The following NRXN1 variants were observed in gnomAD, a reference collection of about 807,000 sequenced individuals.
NRXN1 encodes neurexin-1.
Under a neutral mutation model 150.9 loss-of-function variants are expected in NRXN1, and 39 were observed. The observed-to-expected ratio is 0.26, with a 90% confidence interval of 0.20 to 0.34. The LOEUF is 0.34. NRXN1 is among the 10% of genes least tolerant of loss of function. The pLI, the probability that NRXN1 is intolerant of heterozygous loss-of-function variation, is 1.00. For missense variants in NRXN1, 1,815 were observed against 1,949.9 expected, an observed-to-expected ratio of 0.93 and a Z score of 1.30; for synonymous variants, 924 against 757.0, an observed-to-expected ratio of 1.22 and a Z score of -3.62.
intron 5 of NRXN1, among the ~76,000 whole-genome samples, chr2:50,670,195 T>G (rs962741059): frequency 1.3e-5 from 2 of 151,892 alleles, no homozygotes; most frequent in Non-Finnish European, 2.9e-5. Flanking sequence ...TCCTAAAGAT[T>G]AGTTCAAGGT....
At chr2:50,219,519 C>T (rs2063648904) in intron 18 of NRXN1, among the ~76,000 whole-genome samples, 1 of 151,782 alleles carries the variant, frequency 6.6e-6, no homozygotes, top group East Asian at 1.9e-4. Context: ...TATTGAGGTA[C>T]TTACATTTTT....
chr2:50,263,470 G>A (rs1712896), intron 17 of NRXN1, among the ~76,000 whole-genome samples: 62,229 of 151,698 alleles, frequency 0.41, 12,986 homozygotes, highest in Middle Eastern at 0.46. Context: ...GTAGCTATTA[G>A]GTCTTCAAAC....
intron 17 of NRXN1, among the ~76,000 whole-genome samples, chr2:50,361,475 C>T (rs186780155): frequency 9.4e-4 from 143 of 152,252 alleles, no homozygotes; most frequent in Non-Finnish European, 1.8e-3. Flanking sequence ...TCAAAGAACA[C>T]TATAAACACC....
chr2:51,031,742 G>A (rs1671587968), intron 1 of NRXN1, among the ~76,000 whole-genome samples: 1 of 151,882 alleles, frequency 6.6e-6, no homozygotes, highest in Admixed American at 6.6e-5. Context: ...TCTTTCTTTT[G>A]CTAATACATC....
Position 50,742,223 on chromosome 2 carries a change from A to G in NRXN1, c.833-118608T>C, listed in dbSNP as rs1257104549. Among the ~76,000 whole-genome samples the G allele has an allele frequency of 2.0e-5, 3 of 152,124 alleles. No homozygotes were observed. The East Asian group carries it at 5.8e-4, about 29-fold the overall frequency. On this transcript the variant is annotated intron_variant, in intron 5 of 22. Coordinates refer to ENST00000401669, the MANE Select transcript of NRXN1 (RefSeq NM_001330078.2). ...TCAAAGAGAAAGAAATTTAACTTTGAGAATTGCAATATTTACATATATATA... is the reference window on the plus strand; with the variant it reads ...TCAAAGAGAAAGAAATTTAACTTTGGGAATTGCAATATTTACATATATATA...
Position 51,027,710 on chromosome 2 carries a change from C to A in NRXN1, c.564G>T (p.Arg188Ser). The change falls in exon 2 of 23, where the codon AGG becomes AGT. Residue 188 changes from arginine to serine, a missense_variant. Arg to Ser is a moderately radical substitution (Grantham distance 110, BLOSUM62 -1). Coordinates refer to ENST00000401669, the MANE Select transcript of NRXN1 (RefSeq NM_001330078.2). ...CGGGCAGGACCTGCGAGGAGTTGAC[C>A]CTCACGTCACGAATCCACCCCTTGA... ...EPFKGWIRDVRVNSSQVLPVD... is the reference protein window; with the variant it reads ...EPFKGWIRDVSVNSSQVLPVD... The A allele has an allele frequency of 6.2e-7, 1 of 1,608,650 alleles. No individual in the cohort carries two copies. Among genetic ancestry groups the A allele is most frequent in the South Asian group, 1.1e-5 (1 of 90,246 alleles).
At chr2:50,708,402 TTTC>T (rs1352506143) in intron 5 of NRXN1, among the ~76,000 whole-genome samples, 2 of 152,206 alleles carry the variant, frequency 1.3e-5, no homozygotes, top group Admixed American at 6.5e-5. Context: ...AAGCTTGGCA[TTTC>T]TTCTTATTGG....
chr2:50,131,823 A>T (rs997962981), intron 18 of NRXN1, among the ~76,000 whole-genome samples: 18 of 152,198 alleles, frequency 1.2e-4, no homozygotes, highest in African/African-American at 4.1e-4. Context: ...AAACAGAGGG[A>T]CAAACAAAGG....
At chr2:50,005,367 T>C (rs1486822899) in intron 21 of NRXN1, among the ~76,000 whole-genome samples, 1 of 152,156 alleles carries the variant, frequency 6.6e-6, no homozygotes, top group Non-Finnish European at 1.5e-5. Context: ...TTGATTCTTA[T>C]TACTTGAGAG....
At chr2:50,496,291 G>A (rs2091616069) in intron 14 of NRXN1, among the ~76,000 whole-genome samples, 196 bp from the exon 15 acceptor site, 1 of 152,130 alleles carries the variant, frequency 6.6e-6, no homozygotes, top group South Asian at 2.1e-4. Flanking sequence ...ATTATTCAGT[G>A]TTTTAACTAA....
At chr2:50,220,245 T>C (rs183857771) in intron 18 of NRXN1, among the ~76,000 whole-genome samples, 13 of 151,478 alleles carry the variant, frequency 8.6e-5, no homozygotes, top group Non-Finnish European at 1.5e-4. Context: ...AGGAAATTAA[T>C]TCTGGTTGTG....
rs1163315598 is a variant in NRXN1 at position 49,995,780 on chromosome 2, C to CAAAAAA, written c.4129-51995_4129-51990dup. ...TGAGCGACAGAGCGAGACTCCGTCT[C>CAAAAAA]AAAAAAAAAAAAAAAAAAAAAAGAT... On this transcript the variant is annotated intron_variant, in intron 21 of 22. Transcript: ENST00000401669. Among the ~76,000 whole-genome samples the CAAAAAA allele has an allele frequency of 1.1e-3, 41 of 36,372 alleles. 1 individual carries two copies. The highest frequency in any genetic ancestry group is 2.0e-3 in the South Asian group (1 of 502). The allele number at this position is 36,372 out of a possible 152,430, so 23.9% of individuals were successfully genotyped here. A position where few individuals can be genotyped will look rare whatever the true frequency, so the allele number is the denominator to read the frequency against.
chr2:50,873,629 T>G (rs1006599019), intron 5 of NRXN1, among the ~76,000 whole-genome samples: 1 of 151,780 alleles, frequency 6.6e-6, no homozygotes, highest in Non-Finnish European at 1.5e-5. Flanking sequence ...TTGAAAAAAT[T>G]GACTTTTTAG....
At chr2:50,968,545 C>T (rs1694490875) in intron 2 of NRXN1, among the ~76,000 whole-genome samples, 1 of 152,060 alleles carries the variant, frequency 6.6e-6, no homozygotes, top group South Asian at 2.1e-4. Flanking sequence ...GATCCACTTC[C>T]TGTTTCTGAC....
intron 17 of NRXN1, among the ~76,000 whole-genome samples, chr2:50,345,011 G>A (rs2077843166): frequency 6.6e-6 from 1 of 152,166 alleles, no homozygotes; most frequent in African/African-American, 2.4e-5. Context: ...CTGCACCCAG[G>A]TAAAGGGAAC....
intron 17 of NRXN1, among the ~76,000 whole-genome samples, chr2:50,447,708 T>C (rs2086556330): frequency 8.0e-6 from 1 of 125,314 alleles, no homozygotes; most frequent in African/African-American, 3.4e-5. Flanking sequence ...TCCTAGATTT[T>C]TAAAAATCAC....
intron 21 of NRXN1, among the ~76,000 whole-genome samples, chr2:50,051,570 T>C (rs935612413): frequency 6.6e-6 from 1 of 152,070 alleles, no homozygotes; most frequent in Non-Finnish European, 1.5e-5. Flanking sequence ...CAGTAACAAA[T>C]CATTAATGAA....
intron 15 of NRXN1, among the ~76,000 whole-genome samples, chr2:50,478,409 A>G (rs74921785): frequency 2.0e-5 from 3 of 152,210 alleles, no homozygotes; most frequent in African/African-American, 7.2e-5. Context: ...AGGCTTGTAA[A>G]ATATTCAAAA....
intron 18 of NRXN1, among the ~76,000 whole-genome samples, chr2:50,137,250 C>G (rs959333388): frequency 1.3e-5 from 2 of 152,050 alleles, no homozygotes; most frequent in African/African-American, 4.8e-5. Flanking sequence ...GTTAATTAAA[C>G]TCAGCTGAAC....
Sources: allele counts gnomAD v4.1 joint callset (sites outside exome capture counted in the v4.1 genomes callset), GRCh38; gene constraint gnomAD v4.1.1; transcripts MANE v1.5; gene names NCBI Gene and HGNC (gene_info 2026-07-23, HGNC 2026-07-21).